GPRC5B: variants seen among roughly 807,000 people sequenced by gnomAD.
GPRC5B encodes the protein G protein-coupled receptor class C group 5 member B.
A neutral mutation model predicts 30.1 loss-of-function variants in GPRC5B; 16 were observed. The ratio of observed to expected loss-of-function variants is 0.53; its 90% confidence interval spans 0.36 to 0.81. The LOEUF (loss-of-function observed/expected upper bound fraction) is 0.81, where lower values mean the gene tolerates loss of function less well. Ranked by LOEUF, GPRC5B falls within the 30% of genes least tolerant of loss-of-function variation. The pLI, the probability that GPRC5B is intolerant of heterozygous loss-of-function variation, is 0.01. For synonymous variants in GPRC5B, 241 were observed against 239.5 expected (o/e 1.01, Z -0.06); for missense variants, 428 against 544.7 (o/e 0.79, Z 2.13).
Position 19,880,081 on chromosome 16 carries a change from C to T in GPRC5B, c.-2+4646G>A, listed in dbSNP as rs180940666. Among the ~76,000 whole-genome samples, 14 of 151,594 alleles carry T rather than the reference C, an allele frequency of 9.2e-5. No homozygotes were observed. The East Asian group carries it at 1.6e-3, about 17-fold the overall frequency. ...CCCAAGAGTTTGAGCTGCAGTGAGC[C>T]GTGACTGAGCCACTTCACTCCAGCC... On this transcript the variant is annotated intron_variant, in intron 1 of 3. Coordinates refer to ENST00000300571, the MANE Select transcript of GPRC5B (RefSeq NM_016235.3).
In GPRC5B at chr16:19,884,825, C is replaced by T. The variant is rs1019858545; in HGVS notation, c.-100G>A. The stretch of plus-strand genomic sequence containing the variant: ...CGGCCCCCGCTCCACGCACGCCCGC[C>T]TGCGGGTCCAGCTTCACTGCAGCGC... On this transcript the variant is annotated 5_prime_UTR_variant, in exon 1 of 4. Transcript: ENST00000300571. 2.1e-5 allele frequency: 21 copies of T among 984,068 alleles called. No individual in the cohort carries two copies. In the Admixed American group the frequency reaches 9.9e-4, roughly 46 times the overall value. The allele number at this position is 984,068 out of a possible 1,614,324, so 61.0% of individuals were successfully genotyped here.
At position 19,858,488 on chromosome 16, in the gene GPRC5B, G is replaced by A. The variant is rs1241117759; in HGVS notation, c.*2012C>T. 2.9e-6 allele frequency: 2 copies of A among 692,852 alleles called. No individual in the cohort carries two copies. The highest frequency in any genetic ancestry group is 5.3e-6 in the Non-Finnish European group (2 of 380,374). 42.9% of individuals were successfully genotyped at this position (692,852 alleles called of 1,614,324 possible). On this transcript the variant is annotated 3_prime_UTR_variant, in exon 4 of 4. Coordinates refer to ENST00000300571, the MANE Select transcript of GPRC5B (RefSeq NM_016235.3). ...ACGAACGTGTGAATTGCTCCATCGT[G>A]TGAATGGTATCAGAAAGCTCCAAAG... is the stretch of plus-strand genomic sequence containing the variant.
intron 1 of GPRC5B, among the ~76,000 whole-genome samples, chr16:19,873,937 G>A (rs144335372): frequency 2.6e-5 from 4 of 152,134 alleles, no homozygotes; most frequent in South Asian, 2.1e-4. Flanking sequence ...GCGCCACCAC[G>A]CCTGGCTAAA....
At chr16:19,884,653 C>G in intron 1 of GPRC5B, 74 bp downstream of exon 1, 1 of 972,414 alleles carries the variant, frequency 1.0e-6, no homozygotes, top group Non-Finnish European at 1.2e-6. Flanking sequence ...CCCCAATTCT[C>G]CCAAATCCAC....
intron 1 of GPRC5B, among the ~76,000 whole-genome samples, chr16:19,883,591 C>T (rs2056824471): frequency 1.3e-5 from 2 of 152,366 alleles, no homozygotes; most frequent in South Asian, 4.1e-4. Context: ...TTGCGGGGTC[C>T]CCCAGGGCTT....
chr16:19,868,278 G>A (rs533722705), intron 2 of GPRC5B, among the ~76,000 whole-genome samples: 1 of 152,006 alleles, frequency 6.6e-6, no homozygotes, highest in Non-Finnish European at 1.5e-5. Context: ...GGAGGCAGGG[G>A]CAGGAGAATT....
At position 19,858,040 on chromosome 16, in the gene GPRC5B, GT is replaced by G; in HGVS notation, c.*2459del. The G allele has an allele frequency of 6.5e-6, 1 of 154,410 alleles. No individual in the cohort carries two copies. Among genetic ancestry groups the G allele is most frequent in the Non-Finnish European group, 1.4e-5 (1 of 69,566 alleles). 9.6% of individuals were successfully genotyped at this position (154,410 alleles called of 1,614,324 possible). ...ATCACAGATGCTCTCCTCCCGGGTC[GT>G]TTTCCCCAAACGAGTCTTGTTTACA... On this transcript the variant is annotated 3_prime_UTR_variant, in exon 4 of 4. Coordinates refer to ENST00000300571, the MANE Select transcript of GPRC5B (RefSeq NM_016235.3).
chr16:19,884,183 C>A (rs2056832241), intron 1 of GPRC5B, among the ~76,000 whole-genome samples: 1 of 139,514 alleles, frequency 7.2e-6, no homozygotes, highest in African/African-American at 2.6e-5. Flanking sequence ...ACCGCCGTGT[C>A]CCCCCCTCCC....
chr16:19,877,147 C>G (rs1257174023), intron 1 of GPRC5B, among the ~76,000 whole-genome samples: 2 of 152,200 alleles, frequency 1.3e-5, no homozygotes, highest in African/African-American at 4.8e-5. Context: ...GAGGAAACAG[C>G]TATGGGATGG....
intron 1 of GPRC5B, among the ~76,000 whole-genome samples, chr16:19,881,246 C>T (rs1289185758): frequency 3.9e-5 from 6 of 152,214 alleles, no homozygotes; most frequent in Non-Finnish European, 7.4e-5. Flanking sequence ...ATAATGATAG[C>T]GCTGCCTTAC....
chr16:19,877,700 A>T (rs1733205856), intron 1 of GPRC5B, among the ~76,000 whole-genome samples: 1 of 152,216 alleles, frequency 6.6e-6, no homozygotes, highest in Admixed American at 6.5e-5. Flanking sequence ...TCTATAAGGT[A>T]AGTACTATTA....
chr16:19,876,620 C>A (rs2056761234), intron 1 of GPRC5B, among the ~76,000 whole-genome samples: 1 of 152,198 alleles, frequency 6.6e-6, no homozygotes, highest in Non-Finnish European at 1.5e-5. Context: ...CATGCAGTCG[C>A]AACAGAAAAC....
rs1324150374 is a variant in GPRC5B, at chr16:19,872,101, C to T, written c.745G>A (p.Ala249Thr). ...TAFLSVLIWV[A>T]WMTMYLFGNV... ...CCGAAGAGGTACATGGTCATCCAGG[C>T]CACCCAGATGAGCACAGAGAGGAAG... Residue 249 changes from alanine to threonine, a missense_variant, in exon 2 of 4, where the codon GCC (alanine) becomes ACC (threonine). By Grantham distance (58) the Ala-to-Thr change is moderately conservative. Transcript: ENST00000300571. This position sits in a 1 kb window ranked among gnomAD's most constrained non-coding sequence, Gnocchi z 5.0. 2 of 1,613,938 alleles carry T rather than the reference C, an allele frequency of 1.2e-6. No homozygotes were observed. The highest frequency in any genetic ancestry group is 1.7e-6 in the Non-Finnish European group (2 of 1,179,968).
At position 19,872,656 on chromosome 16, in the gene GPRC5B, C is replaced by T. The variant is rs200195376; in HGVS notation, c.190G>A (p.Gly64Arg). 6.8e-6 allele frequency: 11 copies of T among 1,613,932 alleles called. No individual in the cohort carries two copies. The highest frequency in any genetic ancestry group is 5.3e-5 in the African/African-American group (4 of 75,050). ...IWGIVVEAVA[G>R]AGALITLLLM... ...AGCAGTGTGATCAGGGCGCCCGCCC[C>T]GGCCACCGCCTCCACCACAATGCCC... The change falls in exon 2 of 4, where the codon GGG becomes AGG. Residue 64 changes from glycine (G) to arginine (R), a missense_variant. Physicochemically the swap from Gly to Arg is moderately radical, Grantham distance 125. Coordinates refer to ENST00000300571, the MANE Select transcript of GPRC5B (RefSeq NM_016235.3). The surrounding 1 kb of genome is among the most constrained non-coding windows in gnomAD (Gnocchi z 5.0).
upstream of GPRC5B, chr16:19,884,883 T>TGGCCC: frequency 3.2e-6 from 3 of 936,764 alleles, no homozygotes; most frequent in Non-Finnish European, 3.8e-6. Flanking sequence ...AGGCGCCCCC[T>TGGCCC]GGCCCGGCCC....
intron 2 of GPRC5B, among the ~76,000 whole-genome samples, chr16:19,865,857 T>C (rs752530822): frequency 6.6e-6 from 1 of 152,198 alleles, no homozygotes; most frequent in Non-Finnish European, 1.5e-5. Context: ...CATCTGAGAA[T>C]CACTTGGAGA....
intron 1 of GPRC5B, 135 bp downstream of exon 1, chr16:19,884,592 A>G: frequency 1.6e-6 from 1 of 617,236 alleles, no homozygotes; most frequent in South Asian, 7.2e-5. Flanking sequence ...CCAGCAATAA[A>G]CTCCCTGGCT....
chr16:19,862,092 C>T (rs2056630217), intron 2 of GPRC5B, 119 bp from the exon 3 acceptor site: 8 of 802,676 alleles, frequency 1.0e-5, no homozygotes, highest in African/African-American at 1.7e-5. Context: ...AGTGGCTCCT[C>T]CCCTTTGTCA....
intron 1 of GPRC5B, among the ~76,000 whole-genome samples, chr16:19,878,286 G>A (rs574171586): frequency 1.9e-4 from 29 of 151,946 alleles, no homozygotes; most frequent in Admixed American, 7.9e-4. Context: ...TCTTTGTAGC[G>A]TGTACCTCAA....
Sources: allele counts gnomAD v4.1 joint callset (sites outside exome capture counted in the v4.1 genomes callset), GRCh38; gene constraint gnomAD v4.1.1; non-coding constraint Gnocchi (gnomAD v3.1); transcripts MANE v1.5; gene names NCBI Gene and HGNC (gene_info 2026-07-23, HGNC 2026-07-21).